The following ZFP1 variants were observed in gnomAD, a reference collection of about 807,000 sequenced individuals.
The protein encoded by ZFP1 is zinc finger protein 1 homolog.
ZFP1 carries 32 observed loss-of-function variants against 38.5 expected under a neutral mutation model. That is an observed-to-expected ratio of 0.83 (90% CI 0.63 to 1.12). The LOEUF (loss-of-function observed/expected upper bound fraction) is 1.12. Among genes scored for constraint, ZFP1 ranks in the 50% most tolerant of loss-of-function variants. The probability of loss-of-function intolerance (pLI) is 0.00; values close to 1 mark genes in which losing one functional copy is unlikely to be tolerated. For missense variants in ZFP1, 616 were observed against 480.8 expected, an observed-to-expected ratio of 1.28 and a Z score of -2.63; for synonymous variants, 245 against 168.8, an observed-to-expected ratio of 1.45 and a Z score of -3.50.
chr16:75,151,287 G>A (rs1180309433), intron 1 of ZFP1, among the ~76,000 whole-genome samples: 2 of 151,596 alleles, frequency 1.3e-5, no homozygotes, highest in Non-Finnish European at 2.9e-5. Context: ...ACATGGTTTG[G>A]TCTTACTTTT....
At position 75,169,234 on chromosome 16, in the gene ZFP1, T is replaced by C. The variant is rs373054645; in HGVS notation, c.143-19T>C. 8 of 1,580,180 alleles carry C rather than the reference T, an allele frequency of 5.1e-6. No individual in the cohort carries two copies. The African/African-American group carries it at 8.2e-5, about 16-fold the overall frequency. On this transcript the variant is annotated intron_variant, in intron 3 of 3. Transcript: ENST00000570010. ...GGAGGCATTGACAAGGTTCTTTTCA[T>C]TGTGCTCTCTATTCCTAGAAGTGTG...
chr16:75,128,568 A>G, the ZFP1 span, among the ~76,000 whole-genome samples: 1 of 152,204 alleles, frequency 6.6e-6, no homozygotes, highest in South Asian at 2.1e-4. Flanking sequence ...TCTTATTATT[A>G]TCTACAGTTT....
upstream of ZFP1, among the ~76,000 whole-genome samples, chr16:75,143,852 C>T (rs930455347): frequency 2.0e-5 from 3 of 151,330 alleles, no homozygotes; most frequent in African/African-American, 7.3e-5. Context: ...GATGGTTTTG[C>T]CATGTTCCCC....
the ZFP1 span, chr16:75,127,817 G>A: frequency 1.3e-5 from 2 of 152,100 alleles, no homozygotes; most frequent in African/African-American, 4.8e-5. Context: ...GCTGATCTTT[G>A]TTTTGCTTTT....
At chr16:75,166,983 C>G (rs2038123984) in intron 3 of ZFP1, 87 bp downstream of exon 3, 3 of 1,530,980 alleles carry the variant, frequency 2.0e-6, no homozygotes, top group Admixed American at 4.3e-5. Flanking sequence ...TTCTGAATTA[C>G]TAAATGTTTT....
chr16:75,120,989 T>C, the ZFP1 span, among the ~76,000 whole-genome samples: 1 of 152,018 alleles, frequency 6.6e-6, no homozygotes, highest in Non-Finnish European at 1.5e-5. Flanking sequence ...TTAAAAGAAG[T>C]TTTTTAAAAA....
At chr16:75,150,209 CTTTT>C (rs35346527) in intron 1 of ZFP1, among the ~76,000 whole-genome samples, 2 of 100,218 alleles carry the variant, frequency 2.0e-5, no homozygotes, top group Admixed American at 1.0e-4. Flanking sequence ...TTTTCCAGAT[CTTTT>C]TTTTTTTTTT....
intron 2 of ZFP1, among the ~76,000 whole-genome samples, chr16:75,158,013 C>T (rs1262328918): frequency 6.6e-6 from 1 of 151,820 alleles, no homozygotes; most frequent in Non-Finnish European, 1.5e-5. Flanking sequence ...GTCTCAAACC[C>T]CTAGGCTTAC....
At position 75,171,027 on chromosome 16, in the gene ZFP1, G is replaced by A. The variant is rs143511942; in HGVS notation, c.*693G>A. ...GCACTATTTACACAAATATGCAAAT[G>A]TGAAATAACCGATCTATAACGTGAA... On this transcript the variant is annotated 3_prime_UTR_variant, in exon 4 of 4. Transcript: ENST00000570010. 1 of 21,280 alleles carries A rather than the reference G, an allele frequency of 4.7e-5. No individual in the cohort carries two copies. The highest frequency in any genetic ancestry group is 8.7e-5 in the African/African-American group (1 of 11,538). 1.3% of individuals were successfully genotyped at this position (21,280 alleles called of 1,614,324 possible). A position where few individuals can be genotyped will look rare whatever the true frequency, so the allele number is the denominator to read the frequency against.
intron 2 of ZFP1, among the ~76,000 whole-genome samples, chr16:75,156,933 TAAA>T (rs1265690827): frequency 6.6e-6 from 1 of 152,234 alleles, no homozygotes; most frequent in Non-Finnish European, 1.5e-5. Flanking sequence ...CTCAGGTTAA[TAAA>T]AAGTTGGTAC....
At chr16:75,134,993 G>C in the ZFP1 span, among the ~76,000 whole-genome samples, 1 of 151,654 alleles carries the variant, frequency 6.6e-6, no homozygotes, top group Admixed American at 6.6e-5. Flanking sequence ...GGCGGTGTTT[G>C]CGATAAGCTG....
chr16:75,172,031 AACAAAC>A lies in ZFP1; in HGVS notation c.*1699_*1704del, dbSNP rs770940963. ...TGTATTTTTTGGTAAGGACCAAAAAAACAAACAAAAAAAAGACCATCAGTAAGGGAA... is the reference window on the plus strand; with the variant it reads ...TGTATTTTTTGGTAAGGACCAAAAAAAAAAAAAAGACCATCAGTAAGGGAA... On this transcript the variant is annotated 3_prime_UTR_variant, in exon 4 of 4. Coordinates refer to ENST00000570010, the MANE Select transcript of ZFP1 (RefSeq NM_153688.4). 6.6e-5 allele frequency: 10 copies of A among 152,238 alleles called. No individual in the cohort carries two copies. Among genetic ancestry groups the A allele is most frequent in the Non-Finnish European group, 1.5e-4 (10 of 68,038 alleles). 9.4% of individuals were successfully genotyped at this position (152,238 alleles called of 1,614,324 possible).
At chr16:75,139,177 C>T in the ZFP1 span, among the ~76,000 whole-genome samples, 7 of 151,702 alleles carry the variant, frequency 4.6e-5, no homozygotes, top group African/African-American at 1.5e-4. Flanking sequence ...AGACCATCCT[C>T]GCTAACACGG....
At chr16:75,159,198 G>A (rs1471770652) in intron 2 of ZFP1, among the ~76,000 whole-genome samples, 2 of 150,506 alleles carry the variant, frequency 1.3e-5, no homozygotes, top group Non-Finnish European at 3.0e-5. Context: ...GCCTGGCCTC[G>A]TTGTTTTGGC....
intron 2 of ZFP1, among the ~76,000 whole-genome samples, chr16:75,153,682 T>C (rs945637814): frequency 6.6e-6 from 1 of 152,210 alleles, no homozygotes; most frequent in Non-Finnish European, 1.5e-5. Flanking sequence ...ATTGTTACAG[T>C]TGATGAGCCA....
Position 75,151,323 on chromosome 16 carries a change from T to G in ZFP1, c.-43-1586T>G, listed in dbSNP as rs373574574. Reference sequence around the variant, plus strand: ...TTTATATAATTTGACCTCTGTTATTTAATTGGTGTGTTTATGCCAATTATT... The same window carrying G: ...TTTATATAATTTGACCTCTGTTATTGAATTGGTGTGTTTATGCCAATTATT... On this transcript the variant is annotated intron_variant, in intron 1 of 3. Transcript: ENST00000570010. Among the ~76,000 whole-genome samples, 131 of 152,340 alleles carry G rather than the reference T, an allele frequency of 8.6e-4. 5 individuals carry two copies. The South Asian group carries it at 0.023, about 27-fold the overall frequency.
intron 2 of ZFP1, among the ~76,000 whole-genome samples, chr16:75,157,729 C>T (rs922976857): frequency 6.6e-6 from 1 of 152,030 alleles, no homozygotes; most frequent in South Asian, 2.1e-4. Flanking sequence ...TTTTGAAATG[C>T]CCCTCTTTAT....
intron 3 of ZFP1, among the ~76,000 whole-genome samples, chr16:75,168,815 AAAT>A (rs1369744331): frequency 6.6e-6 from 1 of 152,200 alleles, no homozygotes; most frequent in Admixed American, 6.5e-5. Flanking sequence ...CGAGTTTAGC[AAAT>A]AATACTATTA....
At chr16:75,127,194 C>T in the ZFP1 span, among the ~76,000 whole-genome samples, 1 of 152,190 alleles carries the variant, frequency 6.6e-6, no homozygotes, top group African/African-American at 2.4e-5. Flanking sequence ...AGCTATAAAA[C>T]TGATTTTATA....
Sources: allele counts gnomAD v4.1 joint callset (sites outside exome capture counted in the v4.1 genomes callset), GRCh38; gene constraint gnomAD v4.1.1; transcripts MANE v1.5; gene names NCBI Gene and HGNC (gene_info 2026-07-23, HGNC 2026-07-21).